DAPK1: variants seen among roughly 807,000 people sequenced by gnomAD.
DAPK1 encodes the protein death-associated protein kinase 1.
A neutral mutation model predicts 144.9 loss-of-function variants in DAPK1; 56 were observed. The observed-to-expected ratio is 0.39, with a 90% CI of 0.31 to 0.48. The LOEUF (loss-of-function observed/expected upper bound fraction) is 0.48. DAPK1 is among the 20% of genes least tolerant of loss of function. The pLI is 0.95. For synonymous variants in DAPK1, 690 were observed against 749.0 expected (o/e 0.92, Z 1.29); for missense variants, 1,454 against 1,875.4 (o/e 0.78, Z 4.15).
At position 87,498,022 on chromosome 9, in the gene DAPK1, C is replaced by T; in HGVS notation, c.-194C>T. On this transcript the variant is annotated 5_prime_UTR_variant, in exon 1 of 26. Coordinates refer to ENST00000408954, the MANE Select transcript of DAPK1 (RefSeq NM_004938.4). ...TCACTCCCTAGCTGTGTTCCCGCCG[C>T]CGCCCCGGCTAGTCTCCGGCGCTGG... The T allele has an allele frequency of 2.5e-6, 1 of 397,836 alleles. No homozygotes were observed. Among genetic ancestry groups the T allele is most frequent in the Admixed American group, 4.4e-5 (1 of 22,720 alleles). The allele number at this position is 397,836 out of a possible 1,614,324, so 24.6% of individuals were successfully genotyped here.
chr9:87,518,320 G>A (rs1347094729), intron 2 of DAPK1, among the ~76,000 whole-genome samples: 1 of 144,806 alleles, frequency 6.9e-6, no homozygotes, highest in Non-Finnish European at 1.5e-5. Context: ...TAGAGATGGA[G>A]TTTCGCCATG....
intron 10 of DAPK1, among the ~76,000 whole-genome samples, chr9:87,642,573 A>G (rs770025671): frequency 2.6e-4 from 39 of 152,106 alleles, no homozygotes; most frequent in Admixed American, 7.2e-4. Context: ...CTCTGAAGGC[A>G]TTGCAGACCT....
At chr9:87,543,872 G>GT (rs1344139809) in intron 2 of DAPK1, among the ~76,000 whole-genome samples, 2 of 152,080 alleles carry the variant, frequency 1.3e-5, no homozygotes, top group African/African-American at 2.4e-5. Context: ...TTATGCTATA[G>GT]TTTTAAGGAT....
chr9:87,499,373 C>T (rs1253044010), intron 2 of DAPK1: 9 of 500,182 alleles, frequency 1.8e-5, no homozygotes, highest in Non-Finnish European at 3.2e-5. Context: ...GTATATTGAT[C>T]CAGTCCCCTG....
At chr9:87,507,227 T>G (rs546508465) in intron 2 of DAPK1, among the ~76,000 whole-genome samples, 2 of 152,316 alleles carry the variant, frequency 1.3e-5, no homozygotes, top group South Asian at 4.1e-4. Context: ...GGGCCTTTTT[T>G]TTGAGACGGA....
chr9:87,697,126 C>T lies in DAPK1; in HGVS notation c.2533C>T (p.Pro845Ser). The T allele has an allele frequency of 6.4e-7, 1 of 1,565,150 alleles. No homozygotes were observed. Among genetic ancestry groups the T allele is most frequent in the Non-Finnish European group, 8.8e-7 (1 of 1,135,248 alleles). The change falls in exon 22 of 26, where the codon CCC becomes TCC. Residue 845 changes from proline to serine, a missense_variant. This residue lies in a region of DAPK1 where 1,025 missense variants were observed against 1,237.9 expected (regional missense o/e 0.83). Transcript: ENST00000408954. ...TGTTGTTGTCTTTAGTCTAGAAGAG[C>T]CCTATGAGATCCAGCTGAACCAAGT... ...IHVVVFSLEE[P>S]YEIQLNQVIF... is the part of the protein sequence containing the mutation.
At chr9:87,592,931 G>T (rs1828187984) in intron 2 of DAPK1, among the ~76,000 whole-genome samples, 1 of 152,164 alleles carries the variant, frequency 6.6e-6, no homozygotes, top group African/African-American at 2.4e-5. Flanking sequence ...TCCTCCACGA[G>T]GTGAGTCCCC....
At chr9:87,498,131 C>T (rs1259872694) in intron 1 of DAPK1, 24 bp downstream of exon 1, 2 of 397,244 alleles carry the variant, frequency 5.0e-6, no homozygotes, top group African/African-American at 4.1e-5. Context: ...CGCGGCTCCC[C>T]GGTCCCCCCG....
intron 2 of DAPK1, among the ~76,000 whole-genome samples, chr9:87,566,516 A>T (rs1827132679): frequency 6.6e-6 from 1 of 152,196 alleles, no homozygotes; most frequent in Admixed American, 6.5e-5. Flanking sequence ...GAAAGAGGAA[A>T]AGTGGAGGGA....
intron 2 of DAPK1, among the ~76,000 whole-genome samples, chr9:87,579,894 G>C (rs980693041): frequency 2.6e-5 from 4 of 152,102 alleles, no homozygotes; most frequent in African/African-American, 9.7e-5. Context: ...CCTACTACTA[G>C]GAAGTAACCA....
Position 87,707,412 on chromosome 9 carries a change from G to C in DAPK1, c.*48G>C, listed in dbSNP as rs761264029. On this transcript the variant is annotated 3_prime_UTR_variant, in exon 26 of 26. Coordinates refer to ENST00000408954, the MANE Select transcript of DAPK1 (RefSeq NM_004938.4). This position sits in a 1 kb window ranked among gnomAD's most constrained non-coding sequence, Gnocchi z 4.0. Reference sequence around the variant, plus strand: ...GGTCTGTTTGGACTGCAGAAGCAAGGGGGTGATGTAGCCCATCCTTCCCTT... The same window carrying C: ...GGTCTGTTTGGACTGCAGAAGCAAGCGGGTGATGTAGCCCATCCTTCCCTT... The C allele has an allele frequency of 7.6e-6, 10 of 1,322,412 alleles. No homozygotes were observed. The highest frequency in any genetic ancestry group is 6.7e-5 in the South Asian group (5 of 74,264). The allele number at this position is 1,322,412 out of a possible 1,614,324, so 81.9% of individuals were successfully genotyped here.
At chr9:87,657,049 T>TA (rs1301093717) in intron 17 of DAPK1, among the ~76,000 whole-genome samples, 1 of 152,022 alleles carries the variant, frequency 6.6e-6, no homozygotes, top group African/African-American at 2.4e-5. Context: ...TACATAGCAT[T>TA]AAAAAAAATT....
intron 2 of DAPK1, among the ~76,000 whole-genome samples, chr9:87,573,163 T>G (rs1827422271): frequency 1.3e-5 from 2 of 152,242 alleles, no homozygotes; most frequent in South Asian, 4.1e-4. Context: ...TGGCTCTGAC[T>G]GCATGTCAAA....
At chr9:87,554,548 G>GCC (rs1826628118) in intron 2 of DAPK1, 1 of 152,148 alleles carries the variant, frequency 6.6e-6, no homozygotes. Flanking sequence ...TTTGACTCAA[G>GCC]CCAGAAGATG....
intron 2 of DAPK1, among the ~76,000 whole-genome samples, chr9:87,521,792 C>G (rs1239608403): frequency 6.6e-6 from 1 of 152,208 alleles, no homozygotes; most frequent in African/African-American, 2.4e-5. Context: ...AACTCATGTT[C>G]AAACTTAATC....
intron 3 of DAPK1, among the ~76,000 whole-genome samples, chr9:87,623,329 G>T (rs1829372542): frequency 6.6e-6 from 1 of 152,094 alleles, no homozygotes; most frequent in South Asian, 2.1e-4. Context: ...TTCCACACAG[G>T]CTGGACCTTA....
rs1443698293 is a variant in DAPK1 at position 87,525,985 on chromosome 9, TC to T, written c.62+26847del. Among the ~76,000 whole-genome samples the T allele has an allele frequency of 3.2e-3, 485 of 152,212 alleles. 2 individuals carry two copies. The highest frequency in any genetic ancestry group is 0.011 in the African/African-American group (449 of 41,554). On this transcript the variant is annotated intron_variant, in intron 2 of 25. Coordinates refer to ENST00000408954, the MANE Select transcript of DAPK1 (RefSeq NM_004938.4). The stretch of plus-strand genomic sequence containing the variant: ...GTTGGGTTTTGCTCTTTTACTGATT[TC>T]TACTAGATTTTTTGGCTCCTTTTAA...
Position 87,683,294 on chromosome 9 carries a change from G to T in DAPK1, c.2224+1668G>T, listed in dbSNP as rs58412738. Among the ~76,000 whole-genome samples, 1,089 of 152,142 alleles carry T rather than the reference G, an allele frequency of 7.2e-3. 12 individuals carry two copies. The highest frequency in any genetic ancestry group is 0.025 in the African/African-American group (1,039 of 41,512). ...GACGAGGTTTCACCATATTGGCCAG[G>T]CTGGTCTCAGACTCCTGACCTTGTG... is the stretch of plus-strand genomic sequence containing the variant. On this transcript the variant is annotated intron_variant, in intron 20 of 25. Coordinates refer to ENST00000408954, the MANE Select transcript of DAPK1 (RefSeq NM_004938.4).
chr9:87,545,554 A>T (rs948529294), intron 2 of DAPK1, among the ~76,000 whole-genome samples: 9 of 151,686 alleles, frequency 5.9e-5, no homozygotes, highest in African/African-American at 1.7e-4. Flanking sequence ...TTTAAAAAAA[A>T]TTTTTTTTTG....
Sources: allele counts gnomAD v4.1 joint callset (sites outside exome capture counted in the v4.1 genomes callset), GRCh38; gene constraint gnomAD v4.1.1; regional missense constraint gnomAD v4.1.1; non-coding constraint Gnocchi (gnomAD v3.1); transcripts MANE v1.5; gene names NCBI Gene and HGNC (gene_info 2026-07-23, HGNC 2026-07-21).